DPP10: variants seen among roughly 807,000 people sequenced by gnomAD.
DPP10 encodes the protein dipeptidyl peptidase like 10, also known as inactive dipeptidyl peptidase 10.
In DPP10, 33 loss-of-function variants were observed where a neutral mutation model predicts 120.9. The ratio of observed to expected loss-of-function variants is 0.27; its 90% CI spans 0.21 to 0.37. The LOEUF (loss-of-function observed/expected upper bound fraction) is 0.37, where lower values mean the gene tolerates loss of function less well. Among genes scored for constraint, DPP10 ranks in the 10% least tolerant of loss-of-function variants. DPP10 has a pLI of 1.00. For synonymous variants in DPP10, 337 were observed against 326.1 expected (o/e 1.03, Z -0.36); for missense variants, 816 against 942.8 (o/e 0.87, Z 1.76).
intron 1 of DPP10, among the ~76,000 whole-genome samples, chr2:114,896,668 A>C (rs1693030533): frequency 6.6e-6 from 1 of 152,240 alleles, no homozygotes; most frequent in East Asian, 1.9e-4. Flanking sequence ...ATATACAATC[A>C]TGTCATCTGC....
intron 1 of DPP10, among the ~76,000 whole-genome samples, chr2:115,112,223 C>A (rs941926738): frequency 5.3e-5 from 8 of 151,954 alleles, no homozygotes; most frequent in Non-Finnish European, 1.2e-4. Context: ...ATAATCTTTT[C>A]CTTTATTATT....
intron 1 of DPP10, among the ~76,000 whole-genome samples, chr2:114,941,123 C>T (rs1012801164): frequency 2.6e-5 from 4 of 152,124 alleles, no homozygotes; most frequent in Non-Finnish European, 5.9e-5. Context: ...AAATGAGAAT[C>T]GAAAGAATTT....
chr2:114,795,126 G>A (rs946774098), intron 1 of DPP10, among the ~76,000 whole-genome samples: 8 of 152,058 alleles, frequency 5.3e-5, no homozygotes, highest in African/African-American at 1.5e-4. Context: ...GGATGGAACC[G>A]TTAAAATGTA....
chr2:114,545,268 A>G (rs1204774309), intron 1 of DPP10, among the ~76,000 whole-genome samples: 3 of 152,256 alleles, frequency 2.0e-5, no homozygotes, highest in South Asian at 2.1e-4. Flanking sequence ...AAGTTAATAA[A>G]TTTTAAATAT....
At chr2:114,969,765 T>A (rs543559833) in intron 1 of DPP10, among the ~76,000 whole-genome samples, 77 of 152,244 alleles carry the variant, frequency 5.1e-4, no homozygotes, top group Non-Finnish European at 7.8e-4. Flanking sequence ...ACTAGCCGAC[T>A]TTTCCTGTCA....
At chr2:115,097,204 T>C (rs894200247) in intron 1 of DPP10, among the ~76,000 whole-genome samples, 3 of 152,080 alleles carry the variant, frequency 2.0e-5, no homozygotes, top group Non-Finnish European at 2.9e-5. Flanking sequence ...ATAATAAAGC[T>C]AATCAGGCCA....
At chr2:115,518,429 A>C (rs2148867616) in intron 4 of DPP10, among the ~76,000 whole-genome samples, 1 of 152,238 alleles carries the variant, frequency 6.6e-6, no homozygotes, top group South Asian at 2.1e-4. Flanking sequence ...AGCTGTCAAG[A>C]AGATTTAGTC....
At chr2:115,779,579 A>G (rs1470465453) in intron 15 of DPP10, among the ~76,000 whole-genome samples, 4 of 152,072 alleles carry the variant, frequency 2.6e-5, no homozygotes, top group African/African-American at 7.2e-5. Flanking sequence ...GCTTGGATCT[A>G]AAAGCTTTAT....
intron 7 of DPP10, among the ~76,000 whole-genome samples, chr2:115,718,919 G>A (rs753356170): frequency 2.0e-5 from 3 of 151,978 alleles, no homozygotes; most frequent in African/African-American, 4.8e-5. Context: ...CTAGCACTTC[G>A]ACCCGCATAA....
At chr2:115,683,474 A>G (rs949337549) in intron 5 of DPP10, among the ~76,000 whole-genome samples, 3 of 151,822 alleles carry the variant, frequency 2.0e-5, no homozygotes, top group African/African-American at 7.2e-5. Flanking sequence ...TCAAGAGTAA[A>G]CCCTAGTGTA....
chr2:115,210,037 A>G (rs1310255985), intron 1 of DPP10, among the ~76,000 whole-genome samples: 1 of 152,036 alleles, frequency 6.6e-6, no homozygotes, highest in East Asian at 1.9e-4. Context: ...TATATATATT[A>G]TACTTTAAAT....
intron 1 of DPP10, among the ~76,000 whole-genome samples, chr2:115,122,574 C>G (rs563056236): frequency 6.6e-6 from 1 of 152,178 alleles, no homozygotes; most frequent in Non-Finnish European, 1.5e-5. Flanking sequence ...GGCAATGAGC[C>G]GAGACACATC....
At chr2:115,452,164 A>T (rs2073160825) in intron 3 of DPP10, among the ~76,000 whole-genome samples, 1 of 151,884 alleles carries the variant, frequency 6.6e-6, no homozygotes, top group Non-Finnish European at 1.5e-5. Context: ...TATTTGTGAT[A>T]ATTTACAGTG....
chr2:115,495,353 CA>C (rs2076336960), intron 3 of DPP10, among the ~76,000 whole-genome samples: 1 of 80,940 alleles, frequency 1.2e-5, no homozygotes, highest in South Asian at 4.5e-4. Context: ...AACTAATTTT[CA>C]GCCATTTTCT....
chr2:115,522,058 G>A (rs1174827701), intron 4 of DPP10, among the ~76,000 whole-genome samples: 3 of 152,088 alleles, frequency 2.0e-5, no homozygotes, highest in African/African-American at 7.2e-5. Context: ...GTATATTTAG[G>A]ATTGAATCAT....
intron 3 of DPP10, among the ~76,000 whole-genome samples, chr2:115,403,381 CTTTTTTTTTTTTTTTTTTTTTTTTTTTT>C (rs78116780): frequency 8.4e-6 from 1 of 118,386 alleles, no homozygotes; most frequent in Non-Finnish European, 1.7e-5. Context: ...TTCTTTCCTT[CTTTTTTTTTTTTTTTTTTTTTTTTTTTT>C]TTTTTTTTGA....
chr2:115,434,262 A>G (rs1257330457), intron 3 of DPP10, among the ~76,000 whole-genome samples: 1 of 152,032 alleles, frequency 6.6e-6, no homozygotes, highest in African/African-American at 2.4e-5. Flanking sequence ...AATTTGATAA[A>G]TTAGTTCAAT....
chr2:115,525,957 A>G lies in DPP10; in HGVS notation c.426A>G (p.Ala142=). The change falls in exon 5 of 26, where the codon GCA becomes GCG. Residue 142 remains alanine (A), a synonymous_variant. Coordinates refer to ENST00000410059, the MANE Select transcript of DPP10 (RefSeq NM_020868.6). ...VSPDLKYVLL[A]YDVKQIFHYS... The stretch of plus-strand genomic sequence containing the variant: ...CAGATTTAAAATATGTCCTTCTGGC[A>G]TATGATGTCAAACAGGTAAAGGAGT... 1.2e-6 allele frequency: 2 copies of G among 1,610,698 alleles called. No individual in the cohort carries two copies. The highest frequency in any genetic ancestry group is 8.5e-7 in the Non-Finnish European group (1 of 1,178,402).
intron 9 of DPP10, among the ~76,000 whole-genome samples, chr2:115,742,987 C>T (rs1034428454): frequency 1.3e-5 from 2 of 151,248 alleles, no homozygotes; most frequent in African/African-American, 2.4e-5. Flanking sequence ...ATCCCAGTAA[C>T]CTCAGGTTAA....
Sources: allele counts gnomAD v4.1 joint callset (sites outside exome capture counted in the v4.1 genomes callset), GRCh38; gene constraint gnomAD v4.1.1; transcripts MANE v1.5; gene names NCBI Gene and HGNC (gene_info 2026-07-23, HGNC 2026-07-21).